NFATC3: variants seen among roughly 807,000 people sequenced by gnomAD.
NFATC3 encodes the protein nuclear factor of activated T-cells, cytoplasmic 3.
Under a neutral mutation model 98.6 loss-of-function variants are expected in NFATC3, and 46 were observed. That is an observed-to-expected ratio of 0.47 (90% CI 0.37 to 0.60). The LOEUF is 0.60. Among genes scored for constraint, NFATC3 ranks in the 20% least tolerant of loss-of-function variants. NFATC3 has a pLI of 0.00. For missense variants in NFATC3, 1,256 were observed against 1,295.5 expected (o/e 0.97, Z 0.47); for synonymous variants, 512 against 472.2 (o/e 1.08, Z -1.09).
At chr16:68,089,060 G>A (rs1345971557) in intron 1 of NFATC3, 5 of 985,330 alleles carry the variant, frequency 5.1e-6, no homozygotes, top group African/African-American at 3.5e-5. Context: ...AATTGTTTCA[G>A]TTCTTTGGCT....
chr16:68,086,711 A>G, intron 1 of NFATC3: 2 of 985,416 alleles, frequency 2.0e-6, no homozygotes, highest in South Asian at 9.4e-5. Flanking sequence ...GAATTTCTTA[A>G]TGTTCATGTT....
rs1167238183 is a variant in NFATC3 at position 68,199,390 on chromosome 16, A to AT, written c.3106+7621dup. Among the ~76,000 whole-genome samples, 2 of 147,378 alleles carry AT rather than the reference A, an allele frequency of 1.4e-5. 1 individual carries two copies. Among genetic ancestry groups the AT allele is most frequent in the African/African-American group, 5.0e-5 (2 of 40,096 alleles). ...AGGCGCCCGCCACCACGCCCGGCTA[A>AT]TTTTTTGTATTTTTTAGTAGAGGCG... On this transcript the variant is annotated intron_variant, in intron 9 of 9. Transcript: ENST00000346183.
At chr16:68,115,997 G>C (rs1318966308) in intron 1 of NFATC3, among the ~76,000 whole-genome samples, 1 of 152,060 alleles carries the variant, frequency 6.6e-6, no homozygotes, top group African/African-American at 2.4e-5. Context: ...CTTTGTCACT[G>C]CAATTTGTGT....
At chr16:68,145,492 C>T (rs774207299) in intron 3 of NFATC3, among the ~76,000 whole-genome samples, 59 of 152,224 alleles carry the variant, frequency 3.9e-4, no homozygotes, top group Non-Finnish European at 3.8e-4. Context: ...ACCAAATACA[C>T]GAATAAACTC....
Position 68,222,289 on chromosome 16 carries a change from CAAAAAAAAAAAAAAAAAAAAAAAAAAA to C in NFATC3, c.3107-4050_3107-4024del, listed in dbSNP as rs58981935. Among the ~76,000 whole-genome samples the C allele has an allele frequency of 3.0e-4, 8 of 26,404 alleles. 1 individual carries two copies. The highest frequency in any genetic ancestry group is 1.9e-4 in the African/African-American group (2 of 10,740). The allele number at this position is 26,404 out of a possible 152,430, so 17.3% of individuals were successfully genotyped here. A position where few individuals can be genotyped will look rare whatever the true frequency, so the allele number is the denominator to read the frequency against. ...GGGCAACAGAGTGAGACCCCATTGC[CAAAAAAAAAAAAAAAAAAAAAAAAAAA>C]AAAAAAAAAATAGAAAAAAGAAAAA... is the stretch of plus-strand genomic sequence containing the variant. On this transcript the variant is annotated intron_variant, in intron 9 of 9. Transcript: ENST00000346183.
intron 8 of NFATC3, among the ~76,000 whole-genome samples, chr16:68,188,434 A>T (rs1231208450): frequency 6.6e-6 from 1 of 152,154 alleles, no homozygotes; most frequent in Non-Finnish European, 1.5e-5. Context: ...CGCCCTGCCA[A>T]TTCAGAAGGT....
In NFATC3 at chr16:68,139,492, A is replaced by G. The variant is rs150826865; in HGVS notation, c.1401+12882A>G. Among the ~76,000 whole-genome samples the G allele has an allele frequency of 2.5e-3, 376 of 152,316 alleles. 3 individuals are homozygous for G. The highest frequency in any genetic ancestry group is 2.7e-3 in the Non-Finnish European group (187 of 68,020). ...TGACATTTTAAGGAGTTGTGAATTA[A>G]TGGGCTAGTGATATGTGAAAATGGA... On this transcript the variant is annotated intron_variant, in intron 3 of 9. Coordinates refer to ENST00000346183, the MANE Select transcript of NFATC3 (RefSeq NM_173165.3).
At chr16:68,163,622 G>A (rs866325467) in intron 4 of NFATC3, among the ~76,000 whole-genome samples, 6 of 117,808 alleles carry the variant, frequency 5.1e-5, no homozygotes, top group South Asian at 2.6e-4. Context: ...GCTGCCGGGC[G>A]GATGGGCTCC....
intron 9 of NFATC3, chr16:68,217,963 G>A: frequency 8.2e-7 from 1 of 1,215,422 alleles, no homozygotes; most frequent in Non-Finnish European, 1.0e-6. Context: ...AATGAATTAA[G>A]ATAATTAGCA....
At chr16:68,162,155 T>C (rs2038924869) in intron 4 of NFATC3, among the ~76,000 whole-genome samples, 2 of 152,206 alleles carry the variant, frequency 1.3e-5, no homozygotes, top group African/African-American at 4.8e-5. Context: ...TACTGGTAGA[T>C]TGTGGAACAG....
intron 1 of NFATC3, among the ~76,000 whole-genome samples, chr16:68,108,164 T>C (rs1249084917): frequency 6.6e-6 from 1 of 152,190 alleles, no homozygotes; most frequent in Non-Finnish European, 1.5e-5. Context: ...ATGTCCTGAA[T>C]GGTATTTATT....
intron 9 of NFATC3, among the ~76,000 whole-genome samples, chr16:68,208,884 G>A (rs1228249927): frequency 6.6e-6 from 1 of 152,068 alleles, no homozygotes; most frequent in Non-Finnish European, 1.5e-5. Flanking sequence ...TTGTCTGTGT[G>A]GATTCTTTAG....
At chr16:68,151,032 T>C (rs2151561056) in intron 3 of NFATC3, among the ~76,000 whole-genome samples, 1 of 152,270 alleles carries the variant, frequency 6.6e-6, no homozygotes, top group East Asian at 1.9e-4. Flanking sequence ...CAGTTTCTTA[T>C]AGCAGTATGA....
At chr16:68,098,426 C>T (rs1282268536) in intron 1 of NFATC3, among the ~76,000 whole-genome samples, 4 of 151,270 alleles carry the variant, frequency 2.6e-5, no homozygotes, top group African/African-American at 4.9e-5. Context: ...CTCAGCCTCC[C>T]GAGTAGCTGG....
intron 9 of NFATC3, chr16:68,221,233 G>A (rs2041851565): frequency 6.2e-7 from 1 of 1,613,946 alleles, no homozygotes; most frequent in Non-Finnish European, 8.5e-7. Flanking sequence ...TGCTTCAGTT[G>A]AGACCTACGT....
chr16:68,166,423 C>T (rs1478462754), intron 4 of NFATC3, among the ~76,000 whole-genome samples: 1 of 152,156 alleles, frequency 6.6e-6, no homozygotes, highest in East Asian at 1.9e-4. Context: ...GGACTTCTTA[C>T]TCAGGACTCC....
At position 68,228,697 on chromosome 16, in the gene NFATC3, A is replaced by T. The variant is rs908009966; in HGVS notation, c.*2226A>T. ...AAAGACTTAAATTTTTGTGCAACAT[A>T]GTGGTGTTAAAGCACACATCCATTG... On this transcript the variant is annotated 3_prime_UTR_variant, in exon 10 of 10. Transcript: ENST00000346183. The T allele has an allele frequency of 6.6e-6, 1 of 152,642 alleles. No homozygotes were observed. The highest frequency in any genetic ancestry group is 2.4e-5 in the African/African-American group (1 of 41,458). The allele number at this position is 152,642 out of a possible 1,614,324, so 9.5% of individuals were successfully genotyped here.
chr16:68,086,475 G>C (rs1301115338), intron 1 of NFATC3, among the ~76,000 whole-genome samples: 1 of 152,098 alleles, frequency 6.6e-6, no homozygotes, highest in Non-Finnish European at 1.5e-5. Flanking sequence ...CTCCTTGGAA[G>C]ATATTTTAAA....
At chr16:68,124,739 C>G (rs1004289510) in intron 2 of NFATC3, among the ~76,000 whole-genome samples, 1 of 147,622 alleles carries the variant, frequency 6.8e-6, no homozygotes, top group African/African-American at 2.5e-5. Flanking sequence ...ACCCGGCCTT[C>G]TCTTTTTTTT....
Sources: gnomAD v4.1 joint callset for allele counts (sites outside exome capture counted in the v4.1 genomes callset) on GRCh38, gnomAD v4.1.1 for gene constraint, MANE v1.5 for transcripts, NCBI Gene and HGNC (gene_info 2026-07-23, HGNC 2026-07-21) for gene names.